Variants in KCNB2 observed in about 807,000 individuals in gnomAD.
KCNB2 encodes the protein potassium voltage-gated channel subfamily B member 2, also known as delayed rectifier potassium channel protein.
A neutral mutation model predicts 61.5 loss-of-function variants in KCNB2; 15 were observed. The observed-to-expected ratio is 0.24, with a 90% CI of 0.16 to 0.38. The LOEUF (loss-of-function observed/expected upper bound fraction) is 0.38. Ranked by LOEUF, KCNB2 falls within the 10% of genes least tolerant of loss-of-function variation. The probability of loss-of-function intolerance (pLI) is 1.00; values close to 1 mark genes in which losing one functional copy is unlikely to be tolerated. For missense variants in KCNB2, 828 were observed against 1,125.2 expected, an observed-to-expected ratio of 0.74 and a Z score of 3.78; for synonymous variants, 457 against 446.0, an observed-to-expected ratio of 1.02 and a Z score of -0.31.
intron 2 of KCNB2, among the ~76,000 whole-genome samples, chr8:72,853,119 T>G (rs1209324768): frequency 2.0e-5 from 3 of 152,232 alleles, no homozygotes; most frequent in Admixed American, 6.5e-5. Flanking sequence ...CAGCCACTTA[T>G]AGTAAATATT....
At chr8:72,730,334 A>G (rs1807720280) in intron 2 of KCNB2, among the ~76,000 whole-genome samples, 1 of 152,214 alleles carries the variant, frequency 6.6e-6, no homozygotes, top group Non-Finnish European at 1.5e-5. Flanking sequence ...TAACCTGGAT[A>G]TCTAAAAGAG....
At chr8:72,767,942 T>G (rs1317409716) in intron 2 of KCNB2, among the ~76,000 whole-genome samples, 1 of 152,182 alleles carries the variant, frequency 6.6e-6, no homozygotes, top group Admixed American at 6.5e-5. Flanking sequence ...CATTGTGATT[T>G]CTATTTGCAT....
intron 2 of KCNB2, among the ~76,000 whole-genome samples, chr8:72,622,388 T>C (rs1259670091): frequency 6.6e-6 from 1 of 152,200 alleles, no homozygotes; most frequent in Non-Finnish European, 1.5e-5. Flanking sequence ...GACCCTCCAA[T>C]AATAGGAGAC....
chr8:72,827,228 G>C (rs1270399657), intron 2 of KCNB2, among the ~76,000 whole-genome samples: 1 of 152,130 alleles, frequency 6.6e-6, no homozygotes, highest in Non-Finnish European at 1.5e-5. Flanking sequence ...CTGCTCAGAA[G>C]AAGAAAAGAA....
Position 72,898,065 on chromosome 8 carries a change from C to G in KCNB2, c.580-37870C>G, listed in dbSNP as rs117260775. Among the ~76,000 whole-genome samples, 1,270 of 152,202 alleles carry G rather than the reference C, an allele frequency of 8.3e-3. 10 individuals carry two copies. The highest frequency in any genetic ancestry group is 0.014 in the Non-Finnish European group (958 of 67,992). On this transcript the variant is annotated intron_variant, in intron 2 of 2. Coordinates refer to ENST00000523207, the MANE Select transcript of KCNB2 (RefSeq NM_004770.3). ...GAACCCTGGGAAATGGATTATCTGT[C>G]TTTTGTTTCATACTTCAAAGTCTGT... is the stretch of plus-strand genomic sequence containing the variant.
At chr8:72,869,615 A>G (rs2129004647) in intron 2 of KCNB2, among the ~76,000 whole-genome samples, 1 of 152,336 alleles carries the variant, frequency 6.6e-6, no homozygotes, top group South Asian at 2.1e-4. Flanking sequence ...AACATCACTA[A>G]TCATCAGGGA....
intron 2 of KCNB2, among the ~76,000 whole-genome samples, chr8:72,664,383 A>T (rs1585815576): frequency 6.6e-6 from 1 of 152,312 alleles, no homozygotes; most frequent in Middle Eastern, 3.4e-3. Flanking sequence ...CTTGAGAATA[A>T]AGTGCCATAA....
intron 2 of KCNB2, among the ~76,000 whole-genome samples, chr8:72,699,709 A>G (rs1227374970): frequency 6.6e-6 from 1 of 152,112 alleles, no homozygotes; most frequent in Non-Finnish European, 1.5e-5. Flanking sequence ...GTTTTCTTCT[A>G]GGGTTTTTAT....
At chr8:72,782,070 T>A (rs907152303) in intron 2 of KCNB2, among the ~76,000 whole-genome samples, 1 of 152,084 alleles carries the variant, frequency 6.6e-6, no homozygotes, top group African/African-American at 2.4e-5. Flanking sequence ...CATTTACCTA[T>A]GTAACAAACA....
chr8:72,790,653 G>T (rs1001094726), intron 2 of KCNB2, among the ~76,000 whole-genome samples: 3 of 151,828 alleles, frequency 2.0e-5, no homozygotes, highest in Admixed American at 1.3e-4. Flanking sequence ...AGAACGGGTG[G>T]TTTTTTTTCT....
chr8:72,695,550 TA>T (rs1225967031), intron 2 of KCNB2, among the ~76,000 whole-genome samples: 1 of 151,966 alleles, frequency 6.6e-6, no homozygotes, highest in Non-Finnish European at 1.5e-5. Context: ...AATGTGCATT[TA>T]AAAAAAAGAG....
chr8:72,849,668 G>A (rs1212918104), intron 2 of KCNB2, among the ~76,000 whole-genome samples: 3 of 152,276 alleles, frequency 2.0e-5, no homozygotes, highest in East Asian at 1.9e-4. Context: ...AAGTGAGAAA[G>A]TTAAGTGTCT....
chr8:72,682,653 G>A (rs1245912365), intron 2 of KCNB2, among the ~76,000 whole-genome samples: 1 of 151,720 alleles, frequency 6.6e-6, no homozygotes, highest in African/African-American at 2.4e-5. Context: ...GAATGCGGTG[G>A]CACAATCATG....
chr8:72,835,017 T>C lies in KCNB2; in HGVS notation c.580-100918T>C, dbSNP rs1434563982. On this transcript the variant is annotated intron_variant, in intron 2 of 2. Transcript: ENST00000523207. Reference sequence around the variant, plus strand: ...GTGAATATTCCTCTAGTGAGGCTCATTCCTCCTGTTCCAACAACAATTTTA... The same window carrying C: ...GTGAATATTCCTCTAGTGAGGCTCACTCCTCCTGTTCCAACAACAATTTTA... Among the ~76,000 whole-genome samples, 10 of 152,266 alleles carry C rather than the reference T, an allele frequency of 6.6e-5. No homozygotes were observed. In the South Asian group the frequency reaches 1.0e-3, roughly 16 times the overall value.
At chr8:72,712,580 G>A (rs1252825814) in intron 2 of KCNB2, among the ~76,000 whole-genome samples, 1 of 152,174 alleles carries the variant, frequency 6.6e-6, no homozygotes, top group Admixed American at 6.5e-5. Context: ...CTTTACATGT[G>A]TTATAGTTTA....
chr8:72,891,949 C>CA (rs1288298553), intron 2 of KCNB2, among the ~76,000 whole-genome samples: 1 of 152,006 alleles, frequency 6.6e-6, no homozygotes, highest in Non-Finnish European at 1.5e-5. Flanking sequence ...TGATAGGCTC[C>CA]AAGTGGAGGG....
intron 2 of KCNB2, among the ~76,000 whole-genome samples, chr8:72,785,426 G>C (rs568721164): frequency 3.3e-5 from 5 of 152,246 alleles, no homozygotes; most frequent in African/African-American, 1.2e-4. Context: ...GGAGTGATGA[G>C]AGCCATTGAG....
At chr8:72,915,894 G>A (rs947407164) in intron 2 of KCNB2, among the ~76,000 whole-genome samples, 1 of 152,158 alleles carries the variant, frequency 6.6e-6, no homozygotes, top group African/African-American at 2.4e-5. Context: ...ACTCCAGCCT[G>A]GGCAACAGAG....
chr8:72,882,063 G>T (rs552543510), intron 2 of KCNB2, among the ~76,000 whole-genome samples: 3 of 151,912 alleles, frequency 2.0e-5, no homozygotes, highest in Non-Finnish European at 4.4e-5. Context: ...TTCTGATTCT[G>T]CAATCTTCTC....
Sources: allele counts gnomAD v4.1 joint callset (sites outside exome capture counted in the v4.1 genomes callset), GRCh38; gene constraint gnomAD v4.1.1; transcripts MANE v1.5; gene names NCBI Gene and HGNC (gene_info 2026-07-23, HGNC 2026-07-21).